The following CIT variants were observed in gnomAD, a reference collection of about 807,000 sequenced individuals.
CIT encodes citron Rho-interacting kinase.
Under a neutral mutation model 272.7 loss-of-function variants are expected in CIT, and 79 were observed. That is an observed-to-expected ratio of 0.29 (90% confidence interval 0.24 to 0.35). The LOEUF is 0.35. Among genes scored for constraint, CIT ranks in the 10% least tolerant of loss-of-function variants. CIT has a pLI of 1.00. For synonymous variants in CIT, 948 were observed against 995.6 expected (o/e 0.95, Z 0.90); for missense variants, 1,909 against 2,618.3 (o/e 0.73, Z 5.91).
chr12:119,709,787 A>AGAGTGTGTGT (rs1319008959), intron 39 of CIT, among the ~76,000 whole-genome samples: 3 of 107,634 alleles, frequency 2.8e-5, no homozygotes, highest in African/African-American at 1.0e-4. Context: ...AGAGAGAGAG[A>AGAGTGTGTGT]GTGTGTGTGT....
In CIT at chr12:119,714,277, A is replaced by G. The variant is rs1957328761; in HGVS notation, c.4226T>C (p.Val1409Ala). The G allele has an allele frequency of 6.2e-7, 1 of 1,614,140 alleles. No individual in the cohort carries two copies. Among genetic ancestry groups the G allele is most frequent in the African/African-American group, 1.3e-5 (1 of 75,024 alleles). The part of the protein sequence containing the change: ...MHHNIPHRFN[V>A]GLNMRATKCA... ...CTTTGTGGCTCGCATGTTCAGTCCT[A>G]CGTTGAATCGGTGAGGAATATTGTG... Residue 1409 changes from valine (V) to alanine (A), a missense_variant, in exon 33 of 48, where the codon GTA (valine) becomes GCA (alanine). Val to Ala is a moderately conservative substitution (Grantham distance 64). This residue lies in a region of CIT where 780 missense variants were observed against 1,067.2 expected (regional missense o/e 0.73). Transcript: ENST00000392521.
In CIT at chr12:119,721,469, G is replaced by A; in HGVS notation, c.3592-20C>T. The A allele has an allele frequency of 1.3e-6, 2 of 1,594,714 alleles. No homozygotes were observed. Among genetic ancestry groups the A allele is most frequent in the South Asian group, 1.1e-5 (1 of 89,988 alleles). On this transcript the variant is annotated intron_variant, in intron 28 of 47. Coordinates refer to ENST00000392521, the MANE Select transcript of CIT (RefSeq NM_001206999.2). ...GGCTTGCTAGTGGGGAGAAGGGCCA[G>A]GGAAATGCTTGATACTGCACACAAT...
chr12:119,698,146 C>T, intron 44 of CIT, 92 bp from the exon 45 acceptor site: 1 of 1,143,510 alleles, frequency 8.7e-7, no homozygotes, highest in Non-Finnish European at 1.3e-6. Context: ...TTTGACCCAG[C>T]AATCCTGTGT....
intron 13 of CIT, among the ~76,000 whole-genome samples, chr12:119,780,489 C>T (rs191780280): frequency 6.6e-6 from 1 of 152,084 alleles, no homozygotes; most frequent in Admixed American, 6.5e-5. Flanking sequence ...TGGCGGCGTG[C>T]ACCTGTAGTC....
At chr12:119,823,849 A>G (rs1044271943) in intron 8 of CIT, among the ~76,000 whole-genome samples, 2 of 151,816 alleles carry the variant, frequency 1.3e-5, no homozygotes, top group Admixed American at 1.3e-4. Context: ...AGACCAGCCT[A>G]GCCAACATGG....
At chr12:119,830,716 T>C (rs545703133) in intron 7 of CIT, among the ~76,000 whole-genome samples, 1 of 152,138 alleles carries the variant, frequency 6.6e-6, no homozygotes, top group South Asian at 2.1e-4. Flanking sequence ...GAGGTAGGAG[T>C]CAGGGATGCA....
chr12:119,762,885 A>C (rs1201416902), intron 19 of CIT, among the ~76,000 whole-genome samples: 1 of 152,122 alleles, frequency 6.6e-6, no homozygotes, highest in African/African-American at 2.4e-5. Flanking sequence ...CAAAAAGTAT[A>C]AAAAATAGTA....
intron 13 of CIT, chr12:119,782,286 G>A (rs1310294893): frequency 2.8e-6 from 1 of 352,904 alleles, no homozygotes; most frequent in Non-Finnish European, 5.1e-6. Flanking sequence ...TTTAAAAGCA[G>A]ACATTATGGG....
intron 27 of CIT, among the ~76,000 whole-genome samples, chr12:119,730,101 A>C (rs1317216392): frequency 6.6e-6 from 1 of 152,180 alleles, no homozygotes; most frequent in East Asian, 1.9e-4. Context: ...TGAGCTGCCT[A>C]TTACTGCAGC....
At chr12:119,797,112 C>T (rs995219826) in intron 10 of CIT, among the ~76,000 whole-genome samples, 3 of 152,220 alleles carry the variant, frequency 2.0e-5, no homozygotes, top group Non-Finnish European at 4.4e-5. Flanking sequence ...AGTTGCCAGA[C>T]TGGCGCAGAG....
chr12:119,767,166 T>G lies in CIT; in HGVS notation c.2225A>C (p.His742Pro). 1 of 1,610,354 alleles carries G rather than the reference T, an allele frequency of 6.2e-7. No homozygotes were observed. Among genetic ancestry groups the G allele is most frequent in the Non-Finnish European group, 8.5e-7 (1 of 1,178,154 alleles). Residue 742 changes from histidine to proline, a missense_variant, in exon 19 of 48, where the codon CAT (histidine) becomes CCT (proline). His to Pro is a moderately conservative substitution (Grantham distance 77). Around this residue, in one of 8 missense-constraint regions of CIT, gnomAD observed 530 missense variants for 822.4 expected, o/e 0.64. Transcript: ENST00000392521. ...ADKILELEEKHREAQVSAQHL... is the reference protein window; with the variant it reads ...ADKILELEEKPREAQVSAQHL... ...CTGGGCTGAGACTTGGGCCTCCCGATGTTTCTCTTCGAGCTCCTAGACACA... is the reference window on the plus strand; with the variant it reads ...CTGGGCTGAGACTTGGGCCTCCCGAGGTTTCTCTTCGAGCTCCTAGACACA...
intron 16 of CIT, among the ~76,000 whole-genome samples, chr12:119,774,958 G>T (rs977789491): frequency 2.7e-5 from 4 of 150,604 alleles, no homozygotes; most frequent in African/African-American, 2.5e-5. Context: ...GGGTGACAGA[G>T]TGAGACCCTG....
chr12:119,802,064 T>C (rs1593801853), intron 10 of CIT, among the ~76,000 whole-genome samples: 3 of 152,116 alleles, frequency 2.0e-5, no homozygotes, highest in Admixed American at 2.0e-4. Flanking sequence ...GGAGACACCA[T>C]CCAGGAACCA....
Position 119,710,743 on chromosome 12 carries a change from C to A in CIT, c.4855-123G>T. On this transcript the variant is annotated intron_variant, in intron 37 of 47. Transcript: ENST00000392521. This position sits in a 1 kb window ranked among gnomAD's most constrained non-coding sequence, Gnocchi z 5.6. ...AGTTATTCCTGGAAATGCTCAGAAACGCACATATGCTCTTAGCTCAGCCCG... is the reference window on the plus strand; with the variant it reads ...AGTTATTCCTGGAAATGCTCAGAAAAGCACATATGCTCTTAGCTCAGCCCG... 1.1e-6 allele frequency: 1 copy of A among 912,996 alleles called. No homozygotes were observed. The highest frequency in any genetic ancestry group is 1.4e-5 in the South Asian group (1 of 69,502). The allele number at this position is 912,996 out of a possible 1,614,324, so 56.6% of individuals were successfully genotyped here. A position where few individuals can be genotyped will look rare whatever the true frequency, so the allele number is the denominator to read the frequency against.
intron 3 of CIT, among the ~76,000 whole-genome samples, chr12:119,861,543 C>T (rs898770037): frequency 7.9e-5 from 12 of 151,272 alleles, no homozygotes; most frequent in African/African-American, 2.7e-4. Context: ...GCCGAGATCG[C>T]GCCATTGCAC....
chr12:119,742,276 G>A, intron 24 of CIT, 135 bp downstream of exon 24: 1 of 584,612 alleles, frequency 1.7e-6, no homozygotes, highest in Non-Finnish European at 2.8e-6. Flanking sequence ...TCCAAATAAG[G>A]TTGATTGCAT....
intron 7 of CIT, among the ~76,000 whole-genome samples, chr12:119,831,569 G>C (rs1392862772): frequency 6.6e-6 from 1 of 152,122 alleles, no homozygotes; most frequent in Non-Finnish European, 1.5e-5. Flanking sequence ...TTTTCTGGAA[G>C]CAGTTTAAGA....
intron 2 of CIT, among the ~76,000 whole-genome samples, chr12:119,871,363 T>G (rs1289230047): frequency 6.6e-6 from 1 of 152,190 alleles, no homozygotes; most frequent in Non-Finnish European, 1.5e-5. Context: ...AAATCATTGT[T>G]GCTTTAAACT....
intron 10 of CIT, among the ~76,000 whole-genome samples, chr12:119,793,003 C>A: frequency 6.6e-6 from 1 of 152,136 alleles, no homozygotes; most frequent in East Asian, 1.9e-4. Flanking sequence ...TGGTGCCCAT[C>A]AGGAACACCT....
Sources: gnomAD v4.1 joint callset for allele counts (sites outside exome capture counted in the v4.1 genomes callset) on GRCh38, gnomAD v4.1.1 for gene constraint, gnomAD v4.1.1 regional missense constraint, Gnocchi (gnomAD v3.1) non-coding constraint, MANE v1.5 for transcripts, NCBI Gene and HGNC (gene_info 2026-07-23, HGNC 2026-07-21) for gene names.